The following SPATA19 variants were observed in gnomAD, a reference collection of about 807,000 sequenced individuals.
SPATA19 encodes the protein spermatogenesis associated 19, also known as spermatogenesis-associated protein 19, mitochondrial.
SPATA19 carries 19 observed loss-of-function variants against 25.0 expected under a neutral mutation model. The ratio of observed to expected loss-of-function variants is 0.76; its 90% CI spans 0.53 to 1.11. SPATA19 has a LOEUF of 1.11. Among genes scored for constraint, SPATA19 ranks in the 50% most tolerant of loss-of-function variants. The pLI is 0.00. For synonymous variants in SPATA19, 64 were observed against 69.3 expected (o/e 0.92, Z 0.38); for missense variants, 222 against 211.4 (o/e 1.05, Z -0.31).
chr11:133,843,673 T>C (rs1938358953), intron 4 of SPATA19, among the ~76,000 whole-genome samples: 1 of 152,064 alleles, frequency 6.6e-6, no homozygotes, highest in African/African-American at 2.4e-5. Flanking sequence ...AGACCCCCAG[T>C]GAACACAGGT....
intron 6 of SPATA19, among the ~76,000 whole-genome samples, chr11:133,841,650 G>A (rs552505914): frequency 2.0e-5 from 3 of 152,296 alleles, no homozygotes; most frequent in African/African-American, 4.8e-5. Context: ...CTGACACTAC[G>A]ATCTGTGACT....
chr11:133,844,648 G>T lies in SPATA19; in HGVS notation c.136-8C>A. On this transcript the variant is annotated splice_region_variant and splice_polypyrimidine_tract_variant and intron_variant, in intron 2 of 6. Transcript: ENST00000299140. ...AGAAGCCTCTTCTTCTGTCTGAAAGGTGAGAAATTCCCTCTGAAAATGTCA... is the reference window on the plus strand; with the variant it reads ...AGAAGCCTCTTCTTCTGTCTGAAAGTTGAGAAATTCCCTCTGAAAATGTCA... 6.3e-7 allele frequency: 1 copy of T among 1,586,716 alleles called. No individual in the cohort carries two copies. The highest frequency in any genetic ancestry group is 8.6e-7 in the Non-Finnish European group (1 of 1,167,098).
At chr11:133,842,769 C>T (rs999785306) in intron 4 of SPATA19, among the ~76,000 whole-genome samples, 9 of 152,034 alleles carry the variant, frequency 5.9e-5, no homozygotes, top group Middle Eastern at 3.2e-3. Context: ...TAATGCTGAA[C>T]AGGTAGCAGA....
chr11:133,842,939 G>C lies in SPATA19; in HGVS notation c.360-377C>G, dbSNP rs931292848. ...ACCTGCATCACCCCACACCCACTGT[G>C]GTTCAGAGATGCTTCTAGGAAAGCC... On this transcript the variant is annotated intron_variant, in intron 4 of 6. Transcript: ENST00000299140. Among the ~76,000 whole-genome samples the C allele has an allele frequency of 5.9e-5, 9 of 152,262 alleles. No individual in the cohort carries two copies. In the East Asian group the frequency reaches 1.5e-3, roughly 26 times the overall value.
Position 133,844,550 on chromosome 11 carries a change from G to T in SPATA19, c.226C>A (p.Pro76Thr), listed in dbSNP as rs760608618. The change falls in exon 3 of 7, where the codon CCT becomes ACT. Residue 76 changes from proline (P) to threonine (T), a missense_variant. Coordinates refer to ENST00000299140, the MANE Select transcript of SPATA19 (RefSeq NM_174927.3). ...TGGATGTCCTGGCCATGGGTGGGAGGGGAGTCAGTGGACATCTTCTCCCTT... is the reference window on the plus strand; with the variant it reads ...TGGATGTCCTGGCCATGGGTGGGAGTGGAGTCAGTGGACATCTTCTCCCTT... ...GVREKMSTDS[P>T]PTHGQDIHVT... 5 of 1,614,002 alleles carry T rather than the reference G, an allele frequency of 3.1e-6. No individual in the cohort carries two copies. The highest frequency in any genetic ancestry group is 4.2e-6 in the Non-Finnish European group (5 of 1,180,032).
rs1389670868 is a variant in SPATA19, at chr11:133,844,269, T to C, written c.336A>G (p.Thr112=). 1 of 1,614,136 alleles carries C rather than the reference T, an allele frequency of 6.2e-7. No homozygotes were observed. Among genetic ancestry groups the C allele is most frequent in the Non-Finnish European group, 8.5e-7 (1 of 1,180,004 alleles). ...ACCTCCATCTTATGAACTGGATTCG[T>C]GTTCTCTCCTCTAGGACCTCTTGGC... ...NQSQEVLEER[T]RIQFIRWSHT... The change falls in exon 4 of 7, where the codon ACA becomes ACG. Residue 112 remains threonine (T), a synonymous_variant. Coordinates refer to ENST00000299140, the MANE Select transcript of SPATA19 (RefSeq NM_174927.3).
intron 6 of SPATA19, 132 bp downstream of exon 6, chr11:133,841,898 G>T: frequency 3.6e-6 from 3 of 836,542 alleles, no homozygotes; most frequent in Non-Finnish European, 5.9e-6. Flanking sequence ...CCCACTACTG[G>T]CCCTGAGTGC....
At chr11:133,845,243 T>TGGGCCCC in intron 1 of SPATA19, 53 bp from the exon 2 acceptor site, 1 of 1,555,074 alleles carries the variant, frequency 6.4e-7, no homozygotes, top group Non-Finnish European at 8.8e-7. Flanking sequence ...ATTCAGCTCT[T>TGGGCCCC]CCCACCCAGC....
At chr11:133,837,913 A>G (rs1234820249), downstream of SPATA19, among the ~76,000 whole-genome samples, 1 of 152,176 alleles carries the variant, frequency 6.6e-6, no homozygotes, top group African/African-American at 2.4e-5. Flanking sequence ...CTCTAGGGAC[A>G]CTCAAAGACA....
chr11:133,837,400 A>G (rs1422429697), downstream of SPATA19, among the ~76,000 whole-genome samples: 1 of 152,242 alleles, frequency 6.6e-6, no homozygotes, highest in East Asian at 1.9e-4. Context: ...AGTGTGGACA[A>G]TGTTGACTAT....
chr11:133,839,225 T>G (rs534270955), downstream of SPATA19, among the ~76,000 whole-genome samples: 2 of 151,832 alleles, frequency 1.3e-5, no homozygotes, highest in South Asian at 2.1e-4. Context: ...TAAAGACACA[T>G]GCACACGTAT....
chr11:133,840,459 C>G (rs531864896), downstream of SPATA19, among the ~76,000 whole-genome samples: 1 of 152,304 alleles, frequency 6.6e-6, no homozygotes, highest in East Asian at 1.9e-4. Flanking sequence ...ACAGAGCACT[C>G]CTTCTTATGT....
chr11:133,843,973 T>C (rs1045977779), intron 4 of SPATA19, among the ~76,000 whole-genome samples: 1 of 152,198 alleles, frequency 6.6e-6, no homozygotes, highest in African/African-American at 2.4e-5. Flanking sequence ...GCAACTCAAG[T>C]GCAAAAATAA....
chr11:133,837,028 G>T (rs1229067080), downstream of SPATA19, among the ~76,000 whole-genome samples: 1 of 152,138 alleles, frequency 6.6e-6, no homozygotes, highest in Non-Finnish European at 1.5e-5. Context: ...CAAGTCCTTG[G>T]ATAGGACCAG....
intron 4 of SPATA19, 107 bp downstream of exon 4, chr11:133,844,139 A>C: frequency 1.1e-6 from 1 of 903,606 alleles, no homozygotes; most frequent in South Asian, 1.4e-5. Context: ...GGAATTTGTC[A>C]GCCAAAGACG....
chr11:133,841,754 C>T (rs1938314986), intron 6 of SPATA19, among the ~76,000 whole-genome samples: 1 of 152,190 alleles, frequency 6.6e-6, no homozygotes, highest in African/African-American at 2.4e-5. Flanking sequence ...AACACGAAAG[C>T]CCGGGCCCAT....
At chr11:133,844,719 A>G in intron 2 of SPATA19, 79 bp from the exon 3 acceptor site, 1 of 1,484,406 alleles carries the variant, frequency 6.7e-7, no homozygotes, top group Non-Finnish European at 9.0e-7. Context: ...CTTTCCTTTT[A>G]TTCATTCTCC....
intron 1 of SPATA19, 53 bp downstream of exon 1, chr11:133,845,316 G>C (rs1938397811): frequency 1.3e-6 from 2 of 1,512,974 alleles, no homozygotes; most frequent in South Asian, 1.1e-5. Flanking sequence ...GGTCCCACAG[G>C]GGGAGAAGAT....
downstream of SPATA19, among the ~76,000 whole-genome samples, chr11:133,840,236 C>T (rs1591683718): frequency 6.6e-6 from 1 of 152,126 alleles, no homozygotes; most frequent in African/African-American, 2.4e-5. Context: ...TAAAGACTCT[C>T]CAACCATCAA....
Sources: gnomAD v4.1 joint callset for allele counts (sites outside exome capture counted in the v4.1 genomes callset) on GRCh38, gnomAD v4.1.1 for gene constraint, MANE v1.5 for transcripts, NCBI Gene and HGNC (gene_info 2026-07-23, HGNC 2026-07-21) for gene names.